The following TBC1D14 variants were observed in gnomAD, a reference collection of about 807,000 sequenced individuals.
TBC1D14 encodes TBC1 domain family member 14.
In TBC1D14, 26 loss-of-function variants were observed where a neutral mutation model predicts 79.0. The ratio of observed to expected loss-of-function variants is 0.33; its 90% confidence interval spans 0.24 to 0.46. The LOEUF is 0.46. Ranked by LOEUF, TBC1D14 falls within the 20% of genes least tolerant of loss-of-function variation. The pLI is 1.00. For missense variants in TBC1D14, 769 were observed against 887.6 expected, an observed-to-expected ratio of 0.87 and a Z score of 1.70; for synonymous variants, 394 against 349.9, an observed-to-expected ratio of 1.13 and a Z score of -1.40.
intron 2 of TBC1D14, among the ~76,000 whole-genome samples, chr4:6,949,528 C>T (rs1713819009): frequency 6.6e-6 from 1 of 152,028 alleles, no homozygotes; most frequent in Non-Finnish European, 1.5e-5. Context: ...ATTAAAAATA[C>T]AGAAATTAGC....
At chr4:6,915,273 G>A (rs948419023) in intron 1 of TBC1D14, among the ~76,000 whole-genome samples, 1 of 152,212 alleles carries the variant, frequency 6.6e-6, no homozygotes, top group African/African-American at 2.4e-5. Context: ...AGGAAACATG[G>A]GGGACCCTGA....
At chr4:6,946,929 A>G (rs1713525422) in intron 2 of TBC1D14, among the ~76,000 whole-genome samples, 1 of 152,232 alleles carries the variant, frequency 6.6e-6, no homozygotes, top group African/African-American at 2.4e-5. Context: ...TGCTACTTAC[A>G]AACTTATTGT....
intron 2 of TBC1D14, among the ~76,000 whole-genome samples, chr4:6,945,408 T>C (rs1713333147): frequency 6.6e-6 from 1 of 152,142 alleles, no homozygotes. Flanking sequence ...AATAATTCAC[T>C]GTCCACGGAA....
At chr4:6,917,148 T>G (rs1371061483) in intron 1 of TBC1D14, among the ~76,000 whole-genome samples, 1 of 152,244 alleles carries the variant, frequency 6.6e-6, no homozygotes, top group African/African-American at 2.4e-5. Flanking sequence ...CACCGAGTTC[T>G]TGGAACATAA....
Position 6,958,168 on chromosome 4 carries a change from A to G in TBC1D14, c.723-9136A>G, listed in dbSNP as rs928022893. On this transcript the variant is annotated intron_variant, in intron 2 of 13. Coordinates refer to ENST00000409757, the MANE Select transcript of TBC1D14 (RefSeq NM_020773.3). The stretch of plus-strand genomic sequence containing the variant: ...ACACAGCGCCAGGTGTGGGTCAGGC[A>G]TGAGTCAAGTCACTGTCCAGATGAC... Among the ~76,000 whole-genome samples the G allele has an allele frequency of 4.6e-5, 7 of 152,210 alleles. No homozygotes were observed. In the East Asian group the frequency reaches 1.3e-3, roughly 29 times the overall value.
chr4:6,953,009 CTA>C (rs1232217533), intron 2 of TBC1D14, among the ~76,000 whole-genome samples: 1 of 133,402 alleles, frequency 7.5e-6, no homozygotes, highest in Non-Finnish European at 1.6e-5. Flanking sequence ...GCCTAGCTAA[CTA>C]TTTTTTTCTT....
At position 7,032,933 on chromosome 4, in the gene TBC1D14, T is replaced by A. The variant is rs1723194800; in HGVS notation, c.*2541T>A. 1 of 152,634 alleles carries A rather than the reference T, an allele frequency of 6.6e-6. No homozygotes were observed. The highest frequency in any genetic ancestry group is 2.4e-5 in the African/African-American group (1 of 41,466). 9.5% of individuals were successfully genotyped at this position (152,634 alleles called of 1,614,324 possible). ...TTCACTTCAGAAGGTACTTTTTAAC[T>A]GCTCAGTTTTTGACTATTTTAAATA... On this transcript the variant is annotated 3_prime_UTR_variant, in exon 14 of 14. Coordinates refer to ENST00000409757, the MANE Select transcript of TBC1D14 (RefSeq NM_020773.3).
intron 2 of TBC1D14, among the ~76,000 whole-genome samples, chr4:6,959,874 T>G (rs539244563): frequency 1.3e-5 from 2 of 152,274 alleles, no homozygotes; most frequent in Admixed American, 1.3e-4. Context: ...TGTACTTTTT[T>G]GGGGTGTGAT....
chr4:7,019,563 C>T (rs923733605), intron 12 of TBC1D14, among the ~76,000 whole-genome samples: 33 of 152,066 alleles, frequency 2.2e-4, no homozygotes, highest in African/African-American at 7.2e-4. Context: ...AAGGGAGGGG[C>T]AGCAGCCTGT....
intron 4 of TBC1D14, 27 bp from the exon 5 acceptor site, chr4:6,996,295 ATGG>A (rs1719037855): frequency 1.3e-6 from 2 of 1,582,450 alleles, no homozygotes; most frequent in African/African-American, 2.7e-5. Flanking sequence ...GGTATTTATA[ATGG>A]TGAAAACTCA....
chr4:6,954,484 A>G lies in TBC1D14; in HGVS notation c.723-12820A>G, dbSNP rs1487065897. 4 of 685,270 alleles carry G rather than the reference A, an allele frequency of 5.8e-6. No homozygotes were observed. The African/African-American group carries it at 7.1e-5, about 12-fold the overall frequency. The allele number at this position is 685,270 out of a possible 1,614,324, so 42.4% of individuals were successfully genotyped here. On this transcript the variant is annotated intron_variant, in intron 2 of 13. Transcript: ENST00000409757. ...TTCTGTGGGTCTCCCCCGGTGTGAA[A>G]TGGAGGTGATCCTTTCTATCTAGGC... is the stretch of plus-strand genomic sequence containing the variant.
At chr4:6,947,497 C>CA (rs35832243) in intron 2 of TBC1D14, among the ~76,000 whole-genome samples, 2,177 of 139,892 alleles carry the variant, frequency 0.016, 10 homozygotes, top group Non-Finnish European at 0.018. Context: ...GACCCTGTCT[C>CA]AAAAAAAAAA....
At chr4:7,020,701 G>C (rs1279286532) in intron 12 of TBC1D14, among the ~76,000 whole-genome samples, 2 of 152,076 alleles carry the variant, frequency 1.3e-5, no homozygotes, top group East Asian at 3.9e-4. Flanking sequence ...TTCTTGTTTT[G>C]TTTTGTTTTC....
chr4:7,002,655 C>T (rs987514281), intron 7 of TBC1D14, among the ~76,000 whole-genome samples: 2 of 152,218 alleles, frequency 1.3e-5, no homozygotes, highest in Admixed American at 1.3e-4. Flanking sequence ...CCCTCACCTG[C>T]TGTGCTCTCT....
At chr4:6,956,862 C>A (rs1714693259) in intron 2 of TBC1D14, among the ~76,000 whole-genome samples, 1 of 152,224 alleles carries the variant, frequency 6.6e-6, no homozygotes, top group Admixed American at 6.5e-5. Context: ...AGCCGCGGTT[C>A]CTCACCGCTC....
chr4:6,998,848 G>T (rs957571274), intron 5 of TBC1D14: 2 of 451,106 alleles, frequency 4.4e-6, no homozygotes, highest in East Asian at 4.4e-5. Context: ...CAACTGAATC[G>T]TATTCTTCTT....
intron 2 of TBC1D14, among the ~76,000 whole-genome samples, chr4:6,950,436 C>A (rs1212526960): frequency 6.6e-6 from 1 of 152,194 alleles, no homozygotes; most frequent in Non-Finnish European, 1.5e-5. Context: ...GCCAGGCTCT[C>A]CCATTTAGTG....
chr4:7,025,203 G>A lies in TBC1D14; in HGVS notation c.1957G>A (p.Glu653Lys). The A allele has an allele frequency of 1.2e-6, 2 of 1,614,228 alleles. No homozygotes were observed. The highest frequency in any genetic ancestry group is 1.7e-6 in the Non-Finnish European group (2 of 1,180,040). ...GCTGCCCGAGGACCTGCCCGCCGAGGAGCTGTTTGCCTCCATCGCCACGAT... is the reference window on the plus strand; with the variant it reads ...GCTGCCCGAGGACCTGCCCGCCGAGAAGCTGTTTGCCTCCATCGCCACGAT... ...TRLPEDLPAE[E>K]LFASIATIQM... The change falls in exon 13 of 14, where the codon GAG (glutamate) becomes AAG (lysine). Residue 653 changes from glutamate to lysine, a missense_variant. Coordinates refer to ENST00000409757, the MANE Select transcript of TBC1D14 (RefSeq NM_020773.3).
chr4:6,996,599 T>C (rs1047634628), intron 5 of TBC1D14, among the ~76,000 whole-genome samples, 192 bp downstream of exon 5: 6 of 150,322 alleles, frequency 4.0e-5, no homozygotes, highest in Admixed American at 1.3e-4. Context: ...CAGGGTGGCG[T>C]GGGCGGACTG....
Sources: gnomAD v4.1 joint callset for allele counts (sites outside exome capture counted in the v4.1 genomes callset) on GRCh38, gnomAD v4.1.1 for gene constraint, MANE v1.5 for transcripts, NCBI Gene and HGNC (gene_info 2026-07-23, HGNC 2026-07-21) for gene names.